Variants in KHDRBS2 observed in about 807,000 individuals in gnomAD.
KHDRBS2 encodes KH domain-containing, RNA-binding, signal transduction-associated protein 2.
KHDRBS2 carries 26 observed loss-of-function variants against 44.3 expected under a neutral mutation model. The observed-to-expected ratio is 0.59, with a 90% confidence interval of 0.43 to 0.81. KHDRBS2 has a LOEUF of 0.81. Among genes scored for constraint, KHDRBS2 ranks in the 40% least tolerant of loss-of-function variants. KHDRBS2 has a pLI of 0.00. For missense variants in KHDRBS2, 476 were observed against 433.1 expected, an observed-to-expected ratio of 1.10 and a Z score of -0.88; for synonymous variants, 194 against 151.1, an observed-to-expected ratio of 1.28 and a Z score of -2.08.
intron 1 of KHDRBS2, among the ~76,000 whole-genome samples, chr6:62,235,607 C>A (rs896207005): frequency 1.3e-5 from 2 of 151,898 alleles, no homozygotes; most frequent in African/African-American, 4.8e-5. Context: ...AGTGGAAAAT[C>A]AAAATTTCCC....
chr6:61,970,255 A>T (rs1164808405), intron 4 of KHDRBS2, among the ~76,000 whole-genome samples: 4 of 151,980 alleles, frequency 2.6e-5, no homozygotes, highest in Non-Finnish European at 5.9e-5. Flanking sequence ...TGATTGGGTC[A>T]TTTAAAGAAA....
chr6:61,853,496 A>T (rs1795750380), intron 6 of KHDRBS2, among the ~76,000 whole-genome samples: 1 of 152,202 alleles, frequency 6.6e-6, no homozygotes, highest in East Asian at 1.9e-4. Flanking sequence ...CTTAATGAGG[A>T]CTTTTGTCTC....
chr6:62,254,700 G>C (rs892202303), intron 1 of KHDRBS2, among the ~76,000 whole-genome samples: 1 of 151,962 alleles, frequency 6.6e-6, no homozygotes, highest in Admixed American at 6.6e-5. Context: ...TATGAAATCA[G>C]GTCATAAAAT....
chr6:62,072,524 T>C (rs930620977), intron 2 of KHDRBS2, among the ~76,000 whole-genome samples: 2 of 152,206 alleles, frequency 1.3e-5, no homozygotes, highest in African/African-American at 2.4e-5. Context: ...CATTAATACC[T>C]AATTTATTGA....
intron 2 of KHDRBS2, among the ~76,000 whole-genome samples, chr6:62,077,937 G>C (rs901810030): frequency 1.3e-5 from 2 of 152,020 alleles, no homozygotes; most frequent in African/African-American, 2.4e-5. Flanking sequence ...AATCCATTAA[G>C]AAATACAATG....
intron 6 of KHDRBS2, among the ~76,000 whole-genome samples, chr6:61,858,102 G>A (rs1314705710): frequency 6.6e-6 from 1 of 151,812 alleles, no homozygotes; most frequent in Non-Finnish European, 1.5e-5. Context: ...GTGTCAAGCA[G>A]CTTGACTTAT....
intron 1 of KHDRBS2, among the ~76,000 whole-genome samples, chr6:62,261,825 C>G (rs1487941188): frequency 2.6e-5 from 4 of 151,720 alleles, no homozygotes; most frequent in African/African-American, 7.3e-5. Context: ...TACTAAACAG[C>G]TCATAAATTG....
At chr6:61,678,671 T>C (rs1766079192), downstream of KHDRBS2, among the ~76,000 whole-genome samples, 2 of 151,942 alleles carry the variant, frequency 1.3e-5, no homozygotes, top group African/African-American at 4.8e-5. Context: ...AAGCTTCTGA[T>C]TAAATTCACA....
chr6:61,913,459 G>A (rs1806408507), intron 4 of KHDRBS2, among the ~76,000 whole-genome samples: 1 of 151,302 alleles, frequency 6.6e-6, no homozygotes, highest in Non-Finnish European at 1.5e-5. Flanking sequence ...GGAGCATTTG[G>A]GATTCCTTTA....
chr6:62,259,995 G>A (rs1465861441), intron 1 of KHDRBS2, among the ~76,000 whole-genome samples: 1 of 151,968 alleles, frequency 6.6e-6, no homozygotes, highest in African/African-American at 2.4e-5. Flanking sequence ...GTGGCTATAT[G>A]ACGAGGATCT....
intron 2 of KHDRBS2, among the ~76,000 whole-genome samples, chr6:62,142,547 T>C (rs1350241367): frequency 6.6e-5 from 10 of 152,012 alleles, no homozygotes; most frequent in Admixed American, 5.9e-4. Flanking sequence ...TAATTATTCT[T>C]AAGTAAACAT....
chr6:62,008,681 G>A (rs1779726870), intron 3 of KHDRBS2, among the ~76,000 whole-genome samples: 3 of 152,116 alleles, frequency 2.0e-5, no homozygotes, highest in African/African-American at 7.2e-5. Flanking sequence ...GGAGATGATT[G>A]AACTATGGGG....
At chr6:61,544,151 T>C in the KHDRBS2 span, among the ~76,000 whole-genome samples, 3 of 152,020 alleles carry the variant, frequency 2.0e-5, no homozygotes, top group Non-Finnish European at 2.9e-5. Flanking sequence ...CTTGAAGTGA[T>C]AGATATGCCA....
At chr6:61,549,973 C>A in the KHDRBS2 span, among the ~76,000 whole-genome samples, 5 of 152,038 alleles carry the variant, frequency 3.3e-5, no homozygotes, top group Non-Finnish European at 7.4e-5. Flanking sequence ...TATACAAAAA[C>A]CATTCTTTTT....
At chr6:61,600,697 C>G in the KHDRBS2 span, among the ~76,000 whole-genome samples, 1 of 152,086 alleles carries the variant, frequency 6.6e-6, no homozygotes, top group Admixed American at 6.5e-5. Flanking sequence ...CTGCCCTCAC[C>G]CTCACTCCAT....
At chr6:62,240,292 T>C (rs1376661423) in intron 1 of KHDRBS2, among the ~76,000 whole-genome samples, 1 of 152,136 alleles carries the variant, frequency 6.6e-6, no homozygotes, top group Admixed American at 6.6e-5. Flanking sequence ...TGTTTTATTT[T>C]GAGAAATTCT....
At chr6:61,929,185 G>C (rs1289405262) in intron 4 of KHDRBS2, among the ~76,000 whole-genome samples, 2 of 152,134 alleles carry the variant, frequency 1.3e-5, no homozygotes. Flanking sequence ...ATGGGAAGAA[G>C]TGCTGAAGTG....
intron 6 of KHDRBS2, among the ~76,000 whole-genome samples, chr6:61,786,566 CAA>C (rs138297266): frequency 0.066 from 9,989 of 151,880 alleles, 410 homozygotes; most frequent in Middle Eastern, 0.13. Flanking sequence ...AAAATTAAAA[CAA>C]AGTAACTATG....
At chr6:61,767,303 A>G (rs1672433445) in intron 6 of KHDRBS2, among the ~76,000 whole-genome samples, 2 of 152,022 alleles carry the variant, frequency 1.3e-5, no homozygotes, top group Admixed American at 1.3e-4. Flanking sequence ...TTCCATTTGC[A>G]TAGAATACTT....
Sources: gnomAD v4.1 joint callset for allele counts (sites outside exome capture counted in the v4.1 genomes callset) on GRCh38, gnomAD v4.1.1 for gene constraint, MANE v1.5 for transcripts, NCBI Gene and HGNC (gene_info 2026-07-23, HGNC 2026-07-21) for gene names.